Variants in XRCC5 observed in about 807,000 individuals in gnomAD.
The protein encoded by XRCC5 is X-ray repair cross complementing 5.
A neutral mutation model predicts 95.7 loss-of-function variants in XRCC5; 12 were observed. The observed-to-expected ratio is 0.13, with a 90% confidence interval of 0.08 to 0.20. XRCC5 has a LOEUF of 0.20. Ranked by LOEUF, XRCC5 falls within the 10% of genes least tolerant of loss-of-function variation. The pLI, the probability that XRCC5 is intolerant of heterozygous loss-of-function variation, is 1.00. For missense variants in XRCC5, 595 were observed against 873.9 expected, an observed-to-expected ratio of 0.68 and a Z score of 4.02; for synonymous variants, 281 against 290.3, an observed-to-expected ratio of 0.97 and a Z score of 0.33.
chr2:216,114,052 C>T (rs1559235762), intron 2 of XRCC5, among the ~76,000 whole-genome samples: 1 of 152,184 alleles, frequency 6.6e-6, no homozygotes, highest in East Asian at 1.9e-4. Context: ...TTAGCTACTA[C>T]AGTGCCTCAG....
chr2:216,192,356 T>A (rs1689629422), intron 17 of XRCC5, among the ~76,000 whole-genome samples: 1 of 152,134 alleles, frequency 6.6e-6, no homozygotes, highest in Non-Finnish European at 1.5e-5. Context: ...TGTTCTCTGT[T>A]TTTGTTTGGG....
At chr2:216,149,538 A>G (rs1274799420) in intron 14 of XRCC5, among the ~76,000 whole-genome samples, 1 of 152,194 alleles carries the variant, frequency 6.6e-6, no homozygotes, top group African/African-American at 2.4e-5. Context: ...AAACAGTTCA[A>G]TAAAAGTCTG....
chr2:216,199,582 T>C (rs1402857941), intron 19 of XRCC5, among the ~76,000 whole-genome samples: 2 of 152,216 alleles, frequency 1.3e-5, no homozygotes, highest in Non-Finnish European at 1.5e-5. Flanking sequence ...TGATTAGATA[T>C]GCCATTAGCA....
At chr2:216,117,353 A>G (rs931169294) in intron 3 of XRCC5, 1 of 204,344 alleles carries the variant, frequency 4.9e-6, no homozygotes, top group Non-Finnish European at 1.0e-5. Flanking sequence ...ATCAGTTAGT[A>G]GTGCTATTCC....
chr2:216,182,878 G>C (rs1363934157), intron 16 of XRCC5, among the ~76,000 whole-genome samples: 1 of 152,068 alleles, frequency 6.6e-6, no homozygotes, highest in South Asian at 2.1e-4. Flanking sequence ...TGGTTAAACT[G>C]AATATTTTTA....
chr2:216,160,687 A>T (rs1357312414), intron 15 of XRCC5, among the ~76,000 whole-genome samples: 3 of 151,812 alleles, frequency 2.0e-5, no homozygotes, highest in Non-Finnish European at 2.9e-5. Context: ...TAATTAATTA[A>T]TTAATTTTTA....
At chr2:216,157,268 C>T (rs948337097) in intron 14 of XRCC5, among the ~76,000 whole-genome samples, 2 of 150,956 alleles carry the variant, frequency 1.3e-5, no homozygotes, top group East Asian at 3.9e-4. Flanking sequence ...GAGTGTCACT[C>T]TGTCACCCAG....
chr2:216,169,171 C>G (rs745371537), intron 16 of XRCC5, among the ~76,000 whole-genome samples: 1 of 152,194 alleles, frequency 6.6e-6, no homozygotes, highest in Non-Finnish European at 1.5e-5. Context: ...ACCTGATTGA[C>G]TAAACATACA....
chr2:216,156,430 A>G (rs891149650), intron 14 of XRCC5: 29 of 802,350 alleles, frequency 3.6e-5, no homozygotes, highest in Non-Finnish European at 5.8e-5. Flanking sequence ...CTGACCTTGT[A>G]GCTTTTGTAG....
Position 216,109,465 on chromosome 2 carries a change from G to A in XRCC5, c.21+8G>A. The A allele has an allele frequency of 6.2e-7, 1 of 1,613,930 alleles. No homozygotes were observed. The highest frequency in any genetic ancestry group is 1.7e-5 in the Admixed American group (1 of 60,006). ...GTGCGGTCGGGGAATAAGGTATAAA[G>A]AAAGCCATGGACTTGGGCTTTACCC... On this transcript the variant is annotated splice_region_variant and intron_variant, in intron 1 of 20. Coordinates refer to ENST00000392132, the MANE Select transcript of XRCC5 (RefSeq NM_021141.4).
At chr2:216,109,491 G>C (rs1559234255) in intron 1 of XRCC5, 34 bp downstream of exon 1, 1 of 1,613,078 alleles carries the variant, frequency 6.2e-7, no homozygotes, top group Admixed American at 1.7e-5. Flanking sequence ...GGCTTTACCC[G>C]GACTGGGGAT....
intron 3 of XRCC5, 117 bp downstream of exon 3, chr2:216,116,959 C>T: frequency 2.6e-6 from 3 of 1,165,780 alleles, no homozygotes; most frequent in Non-Finnish European, 3.7e-6. Context: ...ATATTTTGCT[C>T]TGAGGAGGGG....
At chr2:216,166,960 C>G (rs889976619) in intron 16 of XRCC5, among the ~76,000 whole-genome samples, 2 of 152,094 alleles carry the variant, frequency 1.3e-5, no homozygotes, top group Non-Finnish European at 2.9e-5. Flanking sequence ...TGAGACGATT[C>G]TCTTTCAGGG....
chr2:216,204,118 G>GTT, intron 19 of XRCC5: 2 of 580,994 alleles, frequency 3.4e-6, no homozygotes, highest in Admixed American at 5.8e-5. Context: ...AGTTAGTATG[G>GTT]ACTACTTGAA....
intron 9 of XRCC5, among the ~76,000 whole-genome samples, chr2:216,131,864 T>C (rs207876): frequency 0.37 from 56,451 of 152,124 alleles, 12,590 homozygotes; most frequent in South Asian, 0.53. Flanking sequence ...CAGACTTCTA[T>C]TGATACTGTT....
In XRCC5 at chr2:216,156,332, A is replaced by G. The variant is rs3755148; in HGVS notation, c.1671-3736A>G. On this transcript the variant is annotated intron_variant, in intron 14 of 20. Transcript: ENST00000392132. ...AGAAGCAATATGATGCTGTGGAGGT[A>G]CCTTTCTGAAACAGTCTCTTCTGCT... The G allele has an allele frequency of 3.2e-3, 2,126 of 666,512 alleles. 63 individuals are homozygous for G. The East Asian group carries it at 0.054, about 17-fold the overall frequency. 41.3% of individuals were successfully genotyped at this position (666,512 alleles called of 1,614,324 possible). A position where few individuals can be genotyped will look rare whatever the true frequency, so the allele number is the denominator to read the frequency against.
rs1293232630 is a variant in XRCC5, at chr2:216,190,224, G to A, written c.1835-1G>A. The A allele has an allele frequency of 6.2e-7, 1 of 1,613,180 alleles. No individual in the cohort carries two copies. On this transcript the variant is annotated splice_acceptor_variant, in intron 16 of 20. Transcript: ENST00000392132. LOFTEE classifies it high-confidence loss of function. ...AGAAAATTTGTTGTCTTATGTTTTA[G>A]CGAGTAACCAGCTCATAAATCACAT...
chr2:216,141,555 TTTTTTTTTTTTC>T (rs1235469078), intron 13 of XRCC5, among the ~76,000 whole-genome samples: 1,186 of 58,024 alleles, frequency 0.02, 50 homozygotes, highest in African/African-American at 0.043. Context: ...TTTTTTTTTT[TTTTTTTTTTTTC>T]CTGGAAGAAG....
chr2:216,155,236 C>CA (rs10674711), intron 14 of XRCC5, among the ~76,000 whole-genome samples: 1,466 of 80,384 alleles, frequency 0.018, 107 homozygotes, highest in Non-Finnish European at 0.021. Context: ...ACTCCCATCT[C>CA]AAAAAAAAAA....
Sources: allele counts gnomAD v4.1 joint callset (sites outside exome capture counted in the v4.1 genomes callset), GRCh38; gene constraint gnomAD v4.1.1; transcripts MANE v1.5; gene names NCBI Gene and HGNC (gene_info 2026-07-23, HGNC 2026-07-21).